RAP1GAP2: variants seen among roughly 807,000 people sequenced by gnomAD.
The protein encoded by RAP1GAP2 is rap1 GTPase-activating protein 2.
A neutral mutation model predicts 95.0 loss-of-function variants in RAP1GAP2; 27 were observed. The observed-to-expected ratio is 0.28, with a 90% CI of 0.21 to 0.39. The LOEUF (loss-of-function observed/expected upper bound fraction) is 0.39. RAP1GAP2 is among the 10% of genes least tolerant of loss of function. RAP1GAP2 has a pLI of 1.00. For synonymous variants in RAP1GAP2, 373 were observed against 380.9 expected (o/e 0.98, Z 0.24); for missense variants, 771 against 970.0 (o/e 0.79, Z 2.72).
chr17:2,993,272 G>A (rs1253989995), intron 12 of RAP1GAP2, among the ~76,000 whole-genome samples: 1 of 149,716 alleles, frequency 6.7e-6, no homozygotes, highest in East Asian at 2.0e-4. Context: ...AGGTTTTGGG[G>A]GGATTAAAAT....
At chr17:3,026,834 T>C in intron 21 of RAP1GAP2, 110 bp from the exon 22 acceptor site, 1 of 1,350,514 alleles carries the variant, frequency 7.4e-7, no homozygotes, top group South Asian at 1.4e-5. Flanking sequence ...CAGGCCCAAG[T>C]GGGGAGCAGG....
rs1355551857 is a variant in RAP1GAP2, at chr17:3,005,362, C to T, written c.1201-7C>T. The T allele has an allele frequency of 1.9e-6, 3 of 1,613,426 alleles. No homozygotes were observed. Among genetic ancestry groups the T allele is most frequent in the African/African-American group, 1.3e-5 (1 of 75,044 alleles). On this transcript the variant is annotated splice_polypyrimidine_tract_variant and splice_region_variant and intron_variant, in intron 14 of 24. Coordinates refer to ENST00000254695, the MANE Select transcript of RAP1GAP2 (RefSeq NM_015085.5). This position sits in a 1 kb window ranked among gnomAD's most constrained non-coding sequence, Gnocchi z 5.2. Reference sequence around the variant, plus strand: ...CCAGGTCCGTACCATGACTCTGTTTCACTCAGGTCTCTGTCACTGCGCGGG... The same window carrying T: ...CCAGGTCCGTACCATGACTCTGTTTTACTCAGGTCTCTGTCACTGCGCGGG...
rs146845338 is a variant in RAP1GAP2, at chr17:2,882,598, C to T, written c.81-22686C>T. ...CGCCACCACGCCTGGCTAATTTTTG[C>T]ATTTTTAGTAGAGATGGGGTTTCGC... On this transcript the variant is annotated intron_variant, in intron 2 of 24. Transcript: ENST00000254695. Among the ~76,000 whole-genome samples the T allele has an allele frequency of 1.1e-4, 17 of 152,142 alleles. No homozygotes were observed. The East Asian group carries it at 3.3e-3, about 29-fold the overall frequency.
At chr17:2,772,945 G>A (rs1017089409), upstream of RAP1GAP2, among the ~76,000 whole-genome samples, 8 of 143,718 alleles carry the variant, frequency 5.6e-5, no homozygotes, top group African/African-American at 1.8e-4. Context: ...TGCAACCTCC[G>A]TTTCCTGGGT....
At chr17:2,999,923 C>T (rs144752064) in intron 14 of RAP1GAP2, among the ~76,000 whole-genome samples, 56 of 152,234 alleles carry the variant, frequency 3.7e-4, no homozygotes, top group African/African-American at 1.2e-3. Flanking sequence ...CTGAAGCTGG[C>T]GAAGACATGG....
At chr17:2,865,186 A>G (rs1369917605) in intron 2 of RAP1GAP2, among the ~76,000 whole-genome samples, 1 of 152,148 alleles carries the variant, frequency 6.6e-6, no homozygotes, top group Admixed American at 6.6e-5. Context: ...CCCCCGTGCT[A>G]CAGTCCAATG....
chr17:2,944,173 A>C (rs1238950747), intron 3 of RAP1GAP2, among the ~76,000 whole-genome samples: 2 of 151,670 alleles, frequency 1.3e-5, no homozygotes, highest in East Asian at 1.9e-4. Flanking sequence ...AAAAAAAAAA[A>C]AAAAAAAAAA....
intron 3 of RAP1GAP2, among the ~76,000 whole-genome samples, chr17:2,911,913 G>A (rs186724301): frequency 9.2e-5 from 14 of 152,296 alleles, no homozygotes; most frequent in African/African-American, 2.9e-4. Flanking sequence ...GAGCCGCACC[G>A]GGCCCTGAGC....
At chr17:2,957,452 G>T (rs888896938) in intron 3 of RAP1GAP2, among the ~76,000 whole-genome samples, 4 of 152,360 alleles carry the variant, frequency 2.6e-5, no homozygotes, top group East Asian at 1.9e-4. Context: ...GACGATAGGC[G>T]TTTGCAGAAT....
chr17:2,993,481 G>A (rs2045844936), intron 12 of RAP1GAP2, among the ~76,000 whole-genome samples: 2 of 152,038 alleles, frequency 1.3e-5, no homozygotes, highest in South Asian at 4.1e-4. Flanking sequence ...GCTGAGGCAG[G>A]AGAATCGCTT....
At chr17:2,792,077 C>G (rs2068939912), upstream of RAP1GAP2, among the ~76,000 whole-genome samples, 1 of 140,840 alleles carries the variant, frequency 7.1e-6, no homozygotes, top group Non-Finnish European at 1.6e-5. Flanking sequence ...CCAGGCTGGT[C>G]TTGAACTCCT....
intron 8 of RAP1GAP2, among the ~76,000 whole-genome samples, chr17:2,972,015 CT>C (rs1400504617): frequency 6.6e-6 from 1 of 152,128 alleles, no homozygotes; most frequent in African/African-American, 2.4e-5. Context: ...TAAATGATTA[CT>C]AATGGATGCT....
intron 11 of RAP1GAP2, among the ~76,000 whole-genome samples, chr17:2,990,776 A>C (rs77643106): frequency 0.11 from 16,609 of 151,296 alleles, 1,251 homozygotes; most frequent in Non-Finnish European, 0.17. Flanking sequence ...CATTGTGGCC[A>C]TCCTAGTGGG....
chr17:2,796,407 T>C, upstream of RAP1GAP2: 1 of 1,105,130 alleles, frequency 9.0e-7, no homozygotes, highest in Non-Finnish European at 1.3e-6. This position sits in a 1 kb window ranked among gnomAD's most constrained non-coding sequence, Gnocchi z 4.7. Flanking sequence ...AAGAGGGAGG[T>C]GCCACGCTGG....
chr17:2,770,712 A>G (rs2151434862), intron 2 of RAP1GAP2, among the ~76,000 whole-genome samples: 1 of 152,332 alleles, frequency 6.6e-6, no homozygotes, highest in South Asian at 2.1e-4. Context: ...GGAGATTATA[A>G]GTCTCCAGTG....
chr17:2,923,321 AG>A (rs1432463238), intron 3 of RAP1GAP2, among the ~76,000 whole-genome samples: 1 of 146,244 alleles, frequency 6.8e-6, no homozygotes, highest in Non-Finnish European at 1.5e-5. Flanking sequence ...TACAGGTGTG[AG>A]CCACCGCGCC....
chr17:2,817,478 TC>T lies in RAP1GAP2; in HGVS notation c.80+16929del, dbSNP rs546421145. On this transcript the variant is annotated intron_variant, in intron 2 of 24. Transcript: ENST00000254695. ...TCTCTGTTTTCAGTTCTTTTGGGTA[TC>T]TATTTAGGAGCAGAATTGCTGATCG... Among the ~76,000 whole-genome samples the T allele has an allele frequency of 2.6e-3, 310 of 121,014 alleles. 87 individuals carry two copies. Among genetic ancestry groups the T allele is most frequent in the South Asian group, 0.014 (56 of 3,926 alleles). 79.4% of individuals were successfully genotyped at this position (121,014 alleles called of 152,430 possible).
upstream of RAP1GAP2, among the ~76,000 whole-genome samples, chr17:2,774,779 C>A (rs1284294467): frequency 2.7e-5 from 4 of 150,144 alleles, no homozygotes; most frequent in Admixed American, 2.0e-4. Flanking sequence ...CCAGCCACCA[C>A]GCCCAGCCAG....
At chr17:2,853,920 G>A in intron 2 of RAP1GAP2, 1 of 981,502 alleles carries the variant, frequency 1.0e-6, no homozygotes, top group Non-Finnish European at 1.2e-6. Flanking sequence ...GGGCTCAGGG[G>A]CCGGGTGCGG....
Sources: gnomAD v4.1 joint callset for allele counts (sites outside exome capture counted in the v4.1 genomes callset) on GRCh38, gnomAD v4.1.1 for gene constraint, Gnocchi (gnomAD v3.1) non-coding constraint, MANE v1.5 for transcripts, NCBI Gene and HGNC (gene_info 2026-07-23, HGNC 2026-07-21) for gene names.